The following PTPRD variants were observed in gnomAD, a reference collection of about 807,000 sequenced individuals.
PTPRD encodes receptor-type tyrosine-protein phosphatase delta.
Under a neutral mutation model 214.5 loss-of-function variants are expected in PTPRD, and 34 were observed. The observed-to-expected ratio is 0.16, with a 90% CI of 0.12 to 0.21. The LOEUF (loss-of-function observed/expected upper bound fraction) is 0.21, where lower values mean the gene tolerates loss of function less well. PTPRD is among the 10% of genes least tolerant of loss of function. PTPRD has a pLI of 1.00. For missense variants in PTPRD, 2,545 were observed against 2,398.7 expected, an observed-to-expected ratio of 1.06 and a Z score of -1.27; for synonymous variants, 1,128 against 845.7, an observed-to-expected ratio of 1.33 and a Z score of -5.79.
At chr9:9,443,178 C>T (rs966820539) in intron 8 of PTPRD, among the ~76,000 whole-genome samples, 1 of 151,994 alleles carries the variant, frequency 6.6e-6, no homozygotes, top group Admixed American at 6.6e-5. Flanking sequence ...AAAAAATCTT[C>T]AACTGTTACT....
chr9:8,835,205 G>C (rs2097390334), intron 11 of PTPRD, among the ~76,000 whole-genome samples: 1 of 152,170 alleles, frequency 6.6e-6, no homozygotes, highest in Non-Finnish European at 1.5e-5. Flanking sequence ...TGAGTTTATG[G>C]GTACCAGCTA....
chr9:8,821,734 C>T (rs1330458042), intron 11 of PTPRD, among the ~76,000 whole-genome samples: 10 of 152,168 alleles, frequency 6.6e-5, no homozygotes, highest in African/African-American at 2.2e-4. Context: ...GGCACAATCT[C>T]GGCTCACGGC....
chr9:9,920,170 G>A (rs1288126340), intron 5 of PTPRD, among the ~76,000 whole-genome samples: 1 of 152,060 alleles, frequency 6.6e-6, no homozygotes, highest in Non-Finnish European at 1.5e-5. Context: ...TCAGGCACTT[G>A]CTCTTTGATG....
At chr9:8,490,612 C>G (rs2097130355) in intron 27 of PTPRD, among the ~76,000 whole-genome samples, 1 of 152,122 alleles carries the variant, frequency 6.6e-6, no homozygotes, top group Non-Finnish European at 1.5e-5. Context: ...CTCAAGAACT[C>G]AGACAGTAAA....
intron 2 of PTPRD, among the ~76,000 whole-genome samples, chr9:10,602,361 G>C (rs529777207): frequency 1.3e-5 from 2 of 151,808 alleles, no homozygotes; most frequent in South Asian, 4.1e-4. Context: ...TACACAGGCA[G>C]CATTTCTCAT....
intron 3 of PTPRD, among the ~76,000 whole-genome samples, chr9:10,107,572 T>G (rs898370376): frequency 1.3e-5 from 2 of 152,126 alleles, no homozygotes; most frequent in African/African-American, 4.8e-5. Context: ...TGATGCTAAG[T>G]ACACGTGTTT....
intron 4 of PTPRD, among the ~76,000 whole-genome samples, chr9:10,015,198 T>A (rs776484176): frequency 1.3e-5 from 2 of 152,156 alleles, no homozygotes; most frequent in African/African-American, 4.8e-5. Context: ...TAACTCAGAA[T>A]TGACCTTTTC....
At chr9:10,255,875 C>G (rs1378078409) in intron 3 of PTPRD, among the ~76,000 whole-genome samples, 1 of 152,102 alleles carries the variant, frequency 6.6e-6, no homozygotes, top group Non-Finnish European at 1.5e-5. Flanking sequence ...GTAGCCTAGA[C>G]CAGGGATTCA....
intron 10 of PTPRD, among the ~76,000 whole-genome samples, chr9:9,075,282 C>T (rs886475129): frequency 1.3e-5 from 2 of 151,964 alleles, no homozygotes; most frequent in African/African-American, 4.8e-5. Context: ...AAACATTTAT[C>T]CTTTCCTTTT....
intron 5 of PTPRD, among the ~76,000 whole-genome samples, chr9:9,843,508 A>G (rs2058800017): frequency 6.6e-6 from 1 of 150,746 alleles, no homozygotes; most frequent in African/African-American, 2.5e-5. Flanking sequence ...AATATCTTAT[A>G]AGGTTTTATA....
intron 3 of PTPRD, among the ~76,000 whole-genome samples, chr9:10,065,476 CTATTT>C (rs2097860919): frequency 6.6e-6 from 1 of 151,764 alleles, no homozygotes. Context: ...GGGAGAAGGC[CTATTT>C]TATTTGCTTG....
intron 3 of PTPRD, among the ~76,000 whole-genome samples, chr9:10,159,789 G>C (rs1014790158): frequency 6.6e-6 from 1 of 151,696 alleles, no homozygotes; most frequent in African/African-American, 2.4e-5. Flanking sequence ...TCGAAGAATG[G>C]CTATTTGAAA....
chr9:8,603,469 T>G (rs1411647298), intron 14 of PTPRD, among the ~76,000 whole-genome samples: 1 of 152,182 alleles, frequency 6.6e-6, no homozygotes, highest in African/African-American at 2.4e-5. Context: ...TGGAGCTACA[T>G]CTCCTTAACG....
At chr9:9,143,355 A>G (rs74885192) in intron 10 of PTPRD, among the ~76,000 whole-genome samples, 6,087 of 152,232 alleles carry the variant, frequency 0.04, 423 homozygotes, top group African/African-American at 0.14. Flanking sequence ...CTCTTATTAC[A>G]ATGTTCCTTC....
intron 5 of PTPRD, among the ~76,000 whole-genome samples, chr9:9,837,765 CTTTTA>C (rs142057382): frequency 0.035 from 5,276 of 151,866 alleles, 295 homozygotes; most frequent in African/African-American, 0.12. Context: ...TTTTTTTATT[CTTTTA>C]TTTTATTATT....
chr9:8,387,242 G>C (rs1354704693), intron 37 of PTPRD, among the ~76,000 whole-genome samples: 1 of 152,212 alleles, frequency 6.6e-6, no homozygotes, highest in African/African-American at 2.4e-5. Flanking sequence ...GCTGAGGGGA[G>C]TTGGGGGAGA....
intron 5 of PTPRD, among the ~76,000 whole-genome samples, chr9:9,829,179 T>C (rs2053986545): frequency 6.6e-6 from 1 of 151,914 alleles, no homozygotes; most frequent in Admixed American, 6.6e-5. Flanking sequence ...TTAGGAAAGA[T>C]GAATTCAAAT....
chr9:9,619,862 C>T (rs2154352012), intron 7 of PTPRD, among the ~76,000 whole-genome samples: 1 of 147,008 alleles, frequency 6.8e-6, no homozygotes, highest in Non-Finnish European at 1.5e-5. Context: ...TATATAGAAA[C>T]ATCTATATAT....
intron 30 of PTPRD, among the ~76,000 whole-genome samples, chr9:8,476,060 C>T (rs147571314): frequency 6.6e-6 from 1 of 152,206 alleles, no homozygotes; most frequent in Non-Finnish European, 1.5e-5. Flanking sequence ...ACTGTGCCCT[C>T]TCAGCTACAG....
Sources: gnomAD v4.1 joint callset for allele counts (sites outside exome capture counted in the v4.1 genomes callset) on GRCh38, gnomAD v4.1.1 for gene constraint, MANE v1.5 for transcripts, NCBI Gene and HGNC (gene_info 2026-07-23, HGNC 2026-07-21) for gene names.